Variants in TECPR2 observed in about 807,000 individuals in gnomAD.
The protein encoded by TECPR2 is tectonin beta-propeller repeat-containing protein 2.
In TECPR2, 65 loss-of-function variants were observed where a neutral mutation model predicts 138.1. That is an observed-to-expected ratio of 0.47 (90% CI 0.39 to 0.58). The LOEUF (loss-of-function observed/expected upper bound fraction) is 0.58, where lower values mean the gene tolerates loss of function less well. TECPR2 is among the 20% of genes least tolerant of loss of function. The probability of loss-of-function intolerance (pLI) is 0.00; values close to 1 mark genes in which losing one functional copy is unlikely to be tolerated. For missense variants in TECPR2, 1,553 were observed against 1,824.5 expected (o/e 0.85, Z 2.71); for synonymous variants, 746 against 749.8 (o/e 0.99, Z 0.08).
At chr14:102,476,667 G>A (rs1004007005) in intron 17 of TECPR2, among the ~76,000 whole-genome samples, 2 of 152,172 alleles carry the variant, frequency 1.3e-5, no homozygotes, top group Non-Finnish European at 2.9e-5. Flanking sequence ...AAAAAAAGAT[G>A]TGAAGAAGAA....
chr14:102,445,794 CCTT>C lies in TECPR2; in HGVS notation c.2934-11_2934-9del, dbSNP rs776462274. On this transcript the variant is annotated splice_polypyrimidine_tract_variant and intron_variant, in intron 12 of 19. Coordinates refer to ENST00000359520, the MANE Select transcript of TECPR2 (RefSeq NM_014844.5). ...TGGGTGCTGACCCCCCTGTTCTCCT[CCTT>C]ATTTTCAGCGAAAGGCAAGCTTTAG... 6 of 1,613,186 alleles carry C rather than the reference CCTT, an allele frequency of 3.7e-6. No homozygotes were observed. Among genetic ancestry groups the C allele is most frequent in the African/African-American group, 1.3e-5 (1 of 74,850 alleles).
At chr14:102,466,385 CA>C (rs2139772827) in intron 17 of TECPR2, among the ~76,000 whole-genome samples, 1 of 152,254 alleles carries the variant, frequency 6.6e-6, no homozygotes, top group Admixed American at 6.5e-5. Flanking sequence ...TGAGGTTGTA[CA>C]TAATGAATTA....
At position 102,452,613 on chromosome 14, in the gene TECPR2, A is replaced by G; in HGVS notation, c.3626A>G (p.Asp1209Gly). Reference protein sequence around the residue: ...CPTGMHWTRLDLSQLGAVKLT... With the variant: ...CPTGMHWTRLGLSQLGAVKLT... ...ACGGGCATGCACTGGACCAGGCTGGACCTCTCCCAGCTAGGTACGGCCACC... is the reference window on the plus strand; with the variant it reads ...ACGGGCATGCACTGGACCAGGCTGGGCCTCTCCCAGCTAGGTACGGCCACC... Residue 1209 changes from aspartate (D) to glycine (G), a missense_variant, in exon 16 of 20, where the codon GAC (aspartate) becomes GGC (glycine). Transcript: ENST00000359520. 6.3e-7 allele frequency: 1 copy of G among 1,596,488 alleles called. No homozygotes were observed. Among genetic ancestry groups the G allele is most frequent in the Non-Finnish European group, 8.5e-7 (1 of 1,172,450 alleles).
intron 17 of TECPR2, among the ~76,000 whole-genome samples, chr14:102,478,095 G>A (rs1243030914): frequency 1.3e-5 from 2 of 151,474 alleles, no homozygotes; most frequent in Non-Finnish European, 2.9e-5. Flanking sequence ...TGCCCATGCT[G>A]GAGTGCAGTG....
chr14:102,463,982 G>A (rs572198647), intron 16 of TECPR2, among the ~76,000 whole-genome samples: 19 of 152,284 alleles, frequency 1.2e-4, no homozygotes, highest in Non-Finnish European at 2.4e-4. Context: ...GAAGATCTGT[G>A]CATTGTGCTG....
chr14:102,444,426 T>C (rs1889915323), intron 12 of TECPR2, among the ~76,000 whole-genome samples: 1 of 152,106 alleles, frequency 6.6e-6, no homozygotes, highest in South Asian at 2.1e-4. Flanking sequence ...TCTCGAACTC[T>C]TGGGCTCAAG....
In TECPR2 at chr14:102,405,349, C is replaced by T. The variant is rs72698599; in HGVS notation, c.220-1989C>T. On this transcript the variant is annotated intron_variant, in intron 2 of 19. Transcript: ENST00000359520. Reference sequence around the variant, plus strand: ...GACAAAAAACTCAACAATGAAAAAACCCAATTCAAAAATGGGCAAAGGACT... The same window carrying T: ...GACAAAAAACTCAACAATGAAAAAATCCAATTCAAAAATGGGCAAAGGACT... Among the ~76,000 whole-genome samples the T allele has an allele frequency of 4.2e-3, 642 of 152,106 alleles. 5 individuals are homozygous for T. Among genetic ancestry groups the T allele is most frequent in the Non-Finnish European group, 7.3e-3 (499 of 67,976 alleles).
chr14:102,394,635 C>T (rs1000217985), intron 2 of TECPR2, among the ~76,000 whole-genome samples: 2 of 152,114 alleles, frequency 1.3e-5, no homozygotes, highest in Non-Finnish European at 2.9e-5. Context: ...GTTAACCTGT[C>T]TGGAGCTCAG....
intron 9 of TECPR2, among the ~76,000 whole-genome samples, chr14:102,436,524 T>A (rs2139734205): frequency 6.6e-6 from 1 of 152,338 alleles, no homozygotes; most frequent in South Asian, 2.1e-4. Flanking sequence ...TTTGCCATAT[T>A]GCCCAAGCTG....
chr14:102,497,642 G>A lies in TECPR2; in HGVS notation c.4004G>A (p.Arg1335Gln), dbSNP rs768619077. The change falls in exon 19 of 20, where the codon CGG becomes CAG. Residue 1335 changes from arginine (R) to glutamine (Q), a missense_variant. Transcript: ENST00000359520. ...WARCPNGDLA[R>Q]RYGVTDKNPA... ...CGCTGTCCAAACGGAGACCTCGCCCGGCGGTACGGCGTCACAGACAAGAAC... is the reference window on the plus strand; with the variant it reads ...CGCTGTCCAAACGGAGACCTCGCCCAGCGGTACGGCGTCACAGACAAGAAC... 15 of 1,609,238 alleles carry A rather than the reference G, an allele frequency of 9.3e-6. No homozygotes were observed. The highest frequency in any genetic ancestry group is 4.0e-5 in the African/African-American group (3 of 74,838).
intron 5 of TECPR2, among the ~76,000 whole-genome samples, chr14:102,417,146 T>G (rs1004026252): frequency 1.1e-4 from 17 of 152,222 alleles, no homozygotes; most frequent in African/African-American, 4.1e-4. Context: ...CGTTTTAGGA[T>G]GCAGAAACAA....
chr14:102,402,148 T>G (rs1319895576), intron 2 of TECPR2, among the ~76,000 whole-genome samples: 1 of 152,216 alleles, frequency 6.6e-6, no homozygotes, highest in African/African-American at 2.4e-5. Flanking sequence ...GACTATATGT[T>G]AAGCCACAAA....
chr14:102,448,365 G>A (rs76132310), intron 13 of TECPR2, among the ~76,000 whole-genome samples: 6,363 of 152,288 alleles, frequency 0.042, 158 homozygotes, highest in Middle Eastern at 0.092. Flanking sequence ...TAAAGAATTT[G>A]CCTTATATCA....
intron 2 of TECPR2, among the ~76,000 whole-genome samples, chr14:102,380,560 C>T (rs188172858): frequency 2.8e-4 from 42 of 152,298 alleles, no homozygotes; most frequent in African/African-American, 9.6e-4. Context: ...CTACCTGGTC[C>T]CTCCTACGAC....
chr14:102,401,213 T>C (rs959263136), intron 2 of TECPR2, among the ~76,000 whole-genome samples: 2 of 150,554 alleles, frequency 1.3e-5, no homozygotes, highest in African/African-American at 4.9e-5. Context: ...CCAAGGTGGG[T>C]GGATCACCTG....
At chr14:102,447,492 G>A (rs1336957714) in intron 13 of TECPR2, among the ~76,000 whole-genome samples, 1 of 152,186 alleles carries the variant, frequency 6.6e-6, no homozygotes, top group Non-Finnish European at 1.5e-5. Flanking sequence ...GTCTCCCACT[G>A]TGGTAGGTAA....
intron 17 of TECPR2, among the ~76,000 whole-genome samples, chr14:102,482,309 G>A (rs1890910486): frequency 1.3e-5 from 2 of 152,096 alleles, no homozygotes; most frequent in Non-Finnish European, 2.9e-5. Context: ...ACCTGCCTTG[G>A]CCTCCCAAAG....
At chr14:102,411,934 G>A (rs1438430607) in intron 4 of TECPR2, among the ~76,000 whole-genome samples, 2 of 151,684 alleles carry the variant, frequency 1.3e-5, no homozygotes, top group Admixed American at 6.6e-5. Context: ...TAAAGGTTAC[G>A]GTGACAAATG....
chr14:102,425,056 G>T lies in TECPR2; in HGVS notation c.716G>T (p.Gly239Val). The part of the protein sequence containing the change: ...SDLTLYASRP[G>V]LRLWKADVHG... ...CTAACCTTGTATGCGTCACGGCCCGGGCTCCGGCTATGGAAGGCTGATGTC... is the reference window on the plus strand; with the variant it reads ...CTAACCTTGTATGCGTCACGGCCCGTGCTCCGGCTATGGAAGGCTGATGTC... Residue 239 changes from glycine (G) to valine (V), a missense_variant, in exon 6 of 20, where the codon GGG (glycine) becomes GTG (valine). Gly to Val is a moderately radical substitution (Grantham distance 109). Coordinates refer to ENST00000359520, the MANE Select transcript of TECPR2 (RefSeq NM_014844.5). The T allele has an allele frequency of 1.2e-6, 2 of 1,614,066 alleles. No homozygotes were observed. The highest frequency in any genetic ancestry group is 2.7e-5 in the African/African-American group (2 of 74,988).
Sources: allele counts gnomAD v4.1 joint callset (sites outside exome capture counted in the v4.1 genomes callset), GRCh38; gene constraint gnomAD v4.1.1; transcripts MANE v1.5; gene names NCBI Gene and HGNC (gene_info 2026-07-23, HGNC 2026-07-21).